Variants in LHFPL3 observed in about 807,000 individuals in gnomAD.
The protein encoded by LHFPL3 is LHFPL tetraspan subfamily member 3.
In LHFPL3, 5 loss-of-function variants were observed where a neutral mutation model predicts 19.3. That is an observed-to-expected ratio of 0.26 (90% CI 0.14 to 0.54). The LOEUF is 0.54. Ranked by LOEUF, LHFPL3 falls within the 20% of genes least tolerant of loss-of-function variation. LHFPL3 has a pLI of 0.94. For missense variants in LHFPL3, 249 were observed against 307.4 expected (o/e 0.81, Z 1.42); for synonymous variants, 133 against 126.2 (o/e 1.05, Z -0.36).
At chr7:104,899,842 C>T (rs1322071045) in intron 2 of LHFPL3, among the ~76,000 whole-genome samples, 1 of 152,156 alleles carries the variant, frequency 6.6e-6, no homozygotes, top group African/African-American at 2.4e-5. Context: ...AGTGATTATC[C>T]TGCCTCAGCC....
chr7:104,531,401 A>G (rs944226029), intron 1 of LHFPL3, among the ~76,000 whole-genome samples: 177 of 152,318 alleles, frequency 1.2e-3, no homozygotes, highest in African/African-American at 4.2e-3. Context: ...CTTATTTTCT[A>G]GTGGGAGGGG....
At chr7:104,611,867 A>G (rs1225841924) in intron 1 of LHFPL3, among the ~76,000 whole-genome samples, 1 of 152,200 alleles carries the variant, frequency 6.6e-6, no homozygotes, top group Non-Finnish European at 1.5e-5. Flanking sequence ...TGTGCTTTGT[A>G]TAATAGATGA....
intron 1 of LHFPL3, among the ~76,000 whole-genome samples, chr7:104,576,293 A>G (rs751817451): frequency 3.9e-5 from 6 of 152,244 alleles, no homozygotes; most frequent in Non-Finnish European, 7.3e-5. Context: ...TTGAAGTTCA[A>G]CAGAGAGGTT....
intron 1 of LHFPL3, among the ~76,000 whole-genome samples, chr7:104,510,657 A>G (rs1793791677): frequency 6.6e-6 from 1 of 152,142 alleles, no homozygotes; most frequent in African/African-American, 2.4e-5. Context: ...CATAAAAAAC[A>G]CAGTGCATAA....
chr7:104,372,354 C>T (rs1286418099), intron 1 of LHFPL3, among the ~76,000 whole-genome samples: 1 of 152,162 alleles, frequency 6.6e-6, no homozygotes, highest in Non-Finnish European at 1.5e-5. Context: ...CCAACAGGAG[C>T]AGTGAATCTA....
At chr7:104,653,146 G>A (rs1379446542) in intron 1 of LHFPL3, among the ~76,000 whole-genome samples, 1 of 152,152 alleles carries the variant, frequency 6.6e-6, no homozygotes, top group East Asian at 1.9e-4. Context: ...CCATGCTACA[G>A]TTGGCTTAGG....
At chr7:104,736,071 C>A (rs1357608149) in intron 1 of LHFPL3, among the ~76,000 whole-genome samples, 1 of 152,072 alleles carries the variant, frequency 6.6e-6, no homozygotes, top group Non-Finnish European at 1.5e-5. Context: ...TATGGCTATA[C>A]CAGTTTACAT....
chr7:104,688,991 G>T (rs553378685), intron 1 of LHFPL3, among the ~76,000 whole-genome samples: 24 of 152,288 alleles, frequency 1.6e-4, no homozygotes, highest in African/African-American at 4.8e-4. Flanking sequence ...GTTAAAAAAA[G>T]TTCTAGTAGT....
intron 1 of LHFPL3, among the ~76,000 whole-genome samples, chr7:104,580,076 G>C (rs1584415210): frequency 6.6e-6 from 1 of 152,168 alleles, no homozygotes; most frequent in Non-Finnish European, 1.5e-5. Flanking sequence ...GAAATACCTA[G>C]CAATGTACTT....
intron 1 of LHFPL3, among the ~76,000 whole-genome samples, chr7:104,389,847 A>G (rs938421751): frequency 5.3e-5 from 8 of 152,132 alleles, no homozygotes; most frequent in Non-Finnish European, 8.8e-5. Flanking sequence ...CCTACCTCAT[A>G]CCATATATAA....
At chr7:104,640,078 T>C (rs541470983) in intron 1 of LHFPL3, among the ~76,000 whole-genome samples, 2 of 152,354 alleles carry the variant, frequency 1.3e-5, no homozygotes, top group East Asian at 3.9e-4. Context: ...GGGTTTCCTA[T>C]AGAACCAGAG....
intron 1 of LHFPL3, among the ~76,000 whole-genome samples, chr7:104,547,573 G>A (rs925991612): frequency 6.6e-6 from 1 of 152,088 alleles, no homozygotes; most frequent in African/African-American, 2.4e-5. Flanking sequence ...AGCAGCTTTC[G>A]TGCATGTGTA....
chr7:104,838,316 C>G (rs1260569472), intron 2 of LHFPL3, among the ~76,000 whole-genome samples: 1 of 152,192 alleles, frequency 6.6e-6, no homozygotes, highest in African/African-American at 2.4e-5. Flanking sequence ...ATACATTTTG[C>G]TGTGTACTTC....
intron 2 of LHFPL3, among the ~76,000 whole-genome samples, chr7:104,810,092 A>C (rs779844309): frequency 2.6e-5 from 4 of 152,226 alleles, no homozygotes; most frequent in Non-Finnish European, 5.9e-5. Flanking sequence ...AATATGTCAG[A>C]CCAGGGGAAT....
intron 1 of LHFPL3, among the ~76,000 whole-genome samples, chr7:104,498,968 T>C (rs957461441): frequency 6.6e-6 from 1 of 152,082 alleles, no homozygotes; most frequent in Non-Finnish European, 1.5e-5. Context: ...GTTCAAAGAT[T>C]TTTTTTTCCA....
chr7:104,545,066 C>T (rs1794555442), intron 1 of LHFPL3, among the ~76,000 whole-genome samples: 1 of 152,150 alleles, frequency 6.6e-6, no homozygotes, highest in South Asian at 2.1e-4. Flanking sequence ...TCCTAATATG[C>T]TCTCAGATCA....
chr7:104,715,297 G>C lies in LHFPL3; in HGVS notation c.446-21378G>C, dbSNP rs893794644. ...CCCTTGAGTAAGGGAAAGGAGTTCAGAGAAGCATTCATCTTTCTTAAACTT... is the reference window on the plus strand; with the variant it reads ...CCCTTGAGTAAGGGAAAGGAGTTCACAGAAGCATTCATCTTTCTTAAACTT... On this transcript the variant is annotated intron_variant, in intron 1 of 2. Coordinates refer to ENST00000424859, the MANE Select transcript of LHFPL3 (RefSeq NM_199000.3). Among the ~76,000 whole-genome samples the C allele has an allele frequency of 2.6e-5, 4 of 152,342 alleles. No individual in the cohort carries two copies. The East Asian group carries it at 7.7e-4, about 29-fold the overall frequency.
At chr7:104,825,949 G>A (rs369443446) in intron 2 of LHFPL3, among the ~76,000 whole-genome samples, 3 of 152,036 alleles carry the variant, frequency 2.0e-5, no homozygotes, top group East Asian at 3.9e-4. Flanking sequence ...AGGAAGGCTG[G>A]AAAAGTTAGG....
At chr7:104,618,207 T>C (rs1791383728) in intron 1 of LHFPL3, among the ~76,000 whole-genome samples, 2 of 152,318 alleles carry the variant, frequency 1.3e-5, no homozygotes, top group South Asian at 4.1e-4. Context: ...AGAGTGTGTT[T>C]TATGATCATG....
Sources: allele counts gnomAD v4.1 joint callset (sites outside exome capture counted in the v4.1 genomes callset), GRCh38; gene constraint gnomAD v4.1.1; transcripts MANE v1.5; gene names NCBI Gene and HGNC (gene_info 2026-07-23, HGNC 2026-07-21).